VAV3: variants seen among roughly 807,000 people sequenced by gnomAD.
VAV3 encodes vav guanine nucleotide exchange factor 3, also known as guanine nucleotide exchange factor VAV3.
In VAV3, 94 loss-of-function variants were observed where a neutral mutation model predicts 131.2. The observed-to-expected ratio is 0.72, with a 90% CI of 0.61 to 0.85. The LOEUF (loss-of-function observed/expected upper bound fraction) is 0.85. Ranked by LOEUF, VAV3 falls within the 40% of genes least tolerant of loss-of-function variation. The probability of loss-of-function intolerance (pLI) is 0.00; values close to 1 mark genes in which losing one functional copy is unlikely to be tolerated. For missense variants in VAV3, 939 were observed against 1,002.7 expected (o/e 0.94, Z 0.86); for synonymous variants, 349 against 342.0 (o/e 1.02, Z -0.22).
chr1:107,767,498 G>A (rs930401214), intron 7 of VAV3, among the ~76,000 whole-genome samples: 48 of 152,288 alleles, frequency 3.2e-4, no homozygotes, highest in African/African-American at 1.2e-3. Context: ...TTTATTTAGT[G>A]CTAAACCTTC....
At chr1:107,598,022 T>C (rs1322925451) in intron 24 of VAV3, among the ~76,000 whole-genome samples, 1 of 152,168 alleles carries the variant, frequency 6.6e-6, no homozygotes, top group Non-Finnish European at 1.5e-5. Context: ...CTCTTAACTG[T>C]ATCATACTAT....
chr1:107,717,394 T>G (rs1303442497), intron 15 of VAV3, among the ~76,000 whole-genome samples: 1 of 152,250 alleles, frequency 6.6e-6, no homozygotes. Context: ...AATTTCCCTC[T>G]ATACACTGCT....
intron 15 of VAV3, among the ~76,000 whole-genome samples, chr1:107,717,359 T>C (rs1454126028): frequency 6.6e-6 from 1 of 152,226 alleles, no homozygotes; most frequent in Non-Finnish European, 1.5e-5. Context: ...TTTCCTGCTT[T>C]CTCTTGTGAG....
intron 15 of VAV3, among the ~76,000 whole-genome samples, chr1:107,716,693 C>CTTT (rs1227510200): frequency 1.3e-5 from 2 of 152,052 alleles, no homozygotes; most frequent in African/African-American, 4.8e-5. Flanking sequence ...GTCTAAAATT[C>CTTT]TTTTTTTGTT....
At chr1:107,601,420 C>A (rs1055947123) in intron 24 of VAV3, among the ~76,000 whole-genome samples, 17 of 152,144 alleles carry the variant, frequency 1.1e-4, no homozygotes, top group African/African-American at 3.9e-4. Flanking sequence ...TTCAAGCTGG[C>A]CTATTTTGTA....
chr1:107,856,837 G>A (rs1669492761), intron 2 of VAV3, among the ~76,000 whole-genome samples: 3 of 152,142 alleles, frequency 2.0e-5, no homozygotes, highest in African/African-American at 4.8e-5. Context: ...AGGAGTTCAA[G>A]ACCAACCTGA....
chr1:107,954,768 A>G (rs116529860), intron 1 of VAV3, among the ~76,000 whole-genome samples: 12,727 of 144,396 alleles, frequency 0.088, 1,291 homozygotes, highest in African/African-American at 0.23. Context: ...ATACCATGGG[A>G]GGGGGGGAAA....
Position 107,841,595 on chromosome 1 carries a change from C to A in VAV3, c.321+33306G>T, listed in dbSNP as rs542368503. On this transcript the variant is annotated intron_variant, in intron 2 of 26. Coordinates refer to ENST00000370056, the MANE Select transcript of VAV3 (RefSeq NM_006113.5). Reference sequence around the variant, plus strand: ...AATAGGTATCATTAACATACAAAAACACAAAGTAAAAGCATTAGATAGGGC... The same window carrying A: ...AATAGGTATCATTAACATACAAAAAAACAAAGTAAAAGCATTAGATAGGGC... Among the ~76,000 whole-genome samples, 459 of 152,222 alleles carry A rather than the reference C, an allele frequency of 3.0e-3. 2 individuals are homozygous for A. The highest frequency in any genetic ancestry group is 5.0e-3 in the Non-Finnish European group (340 of 67,998).
intron 19 of VAV3, among the ~76,000 whole-genome samples, chr1:107,666,124 A>C (rs371370603): frequency 2.6e-5 from 4 of 152,202 alleles, no homozygotes; most frequent in African/African-American, 9.6e-5. Flanking sequence ...CCTTCACCTT[A>C]CCCTTCCTCT....
chr1:107,740,061 C>T (rs1304266849), intron 15 of VAV3, among the ~76,000 whole-genome samples: 4 of 152,150 alleles, frequency 2.6e-5, no homozygotes, highest in African/African-American at 9.7e-5. Flanking sequence ...CCAAGATGTG[C>T]GGATCACCTG....
intron 15 of VAV3, among the ~76,000 whole-genome samples, chr1:107,741,555 A>C (rs1663023761): frequency 6.6e-6 from 1 of 152,224 alleles, no homozygotes; most frequent in Non-Finnish European, 1.5e-5. Context: ...TTGGCATTAC[A>C]AAAAATAGAC....
At chr1:107,888,830 T>C (rs899695301) in intron 1 of VAV3, among the ~76,000 whole-genome samples, 9 of 152,138 alleles carry the variant, frequency 5.9e-5, no homozygotes, top group African/African-American at 2.2e-4. Flanking sequence ...TAAATTACAT[T>C]CTATTTTCTG....
intron 21 of VAV3, among the ~76,000 whole-genome samples, chr1:107,610,809 G>A (rs554563722): frequency 5.9e-5 from 9 of 152,002 alleles, no homozygotes; most frequent in South Asian, 4.1e-4. Flanking sequence ...AAATTCCTAC[G>A]AATAGGAGTA....
intron 12 of VAV3, among the ~76,000 whole-genome samples, chr1:107,753,549 T>TATATACGTATATATATATATAC (rs771773884): frequency 3.7e-5 from 3 of 82,052 alleles, no homozygotes; most frequent in African/African-American, 1.4e-4. Context: ...TATATATATA[T>TATATACGTATATATATATATAC]ACACACACAC....
At chr1:107,912,499 A>G (rs1170006225) in intron 1 of VAV3, among the ~76,000 whole-genome samples, 2 of 152,180 alleles carry the variant, frequency 1.3e-5, no homozygotes, top group Non-Finnish European at 2.9e-5. Flanking sequence ...ATGTGTTGAG[A>G]GTGGACAGGA....
chr1:107,821,247 G>A (rs1246537328), intron 2 of VAV3, among the ~76,000 whole-genome samples: 4 of 152,100 alleles, frequency 2.6e-5, no homozygotes, highest in Non-Finnish European at 5.9e-5. Context: ...TCACTGATTT[G>A]GCAAATAAGT....
chr1:107,774,439 A>G (rs565975970), intron 4 of VAV3, among the ~76,000 whole-genome samples: 1 of 152,356 alleles, frequency 6.6e-6, no homozygotes, highest in African/African-American at 2.4e-5. Context: ...AAGTGCACAA[A>G]CGCAAACACA....
chr1:107,844,435 G>T (rs114413162), intron 2 of VAV3, among the ~76,000 whole-genome samples: 3 of 151,966 alleles, frequency 2.0e-5, no homozygotes, highest in African/African-American at 7.3e-5. Context: ...TTTTTTTTCC[G>T]TACCCCAGTG....
intron 19 of VAV3, among the ~76,000 whole-genome samples, chr1:107,657,556 T>C (rs986766993): frequency 6.6e-6 from 1 of 152,172 alleles, no homozygotes; most frequent in East Asian, 1.9e-4. Context: ...GAGAGTTGCC[T>C]CTGGGTATAT....
Sources: allele counts gnomAD v4.1 joint callset (sites outside exome capture counted in the v4.1 genomes callset), GRCh38; gene constraint gnomAD v4.1.1; transcripts MANE v1.5; gene names NCBI Gene and HGNC (gene_info 2026-07-23, HGNC 2026-07-21).